Variants in EPC1 observed in about 807,000 individuals in gnomAD.
EPC1 encodes the protein enhancer of polycomb homolog 1.
A neutral mutation model predicts 98.4 loss-of-function variants in EPC1; 12 were observed. That is an observed-to-expected ratio of 0.12 (90% CI 0.08 to 0.20). The LOEUF (loss-of-function observed/expected upper bound fraction) is 0.20. Ranked by LOEUF, EPC1 falls within the 10% of genes least tolerant of loss-of-function variation. The pLI is 1.00. For missense variants in EPC1, 729 were observed against 990.5 expected (o/e 0.74, Z 3.54); for synonymous variants, 357 against 363.9 (o/e 0.98, Z 0.21).
intron 1 of EPC1, among the ~76,000 whole-genome samples, chr10:32,353,729 T>C (rs570814767): frequency 1.3e-5 from 2 of 152,346 alleles, no homozygotes; most frequent in South Asian, 4.1e-4. Context: ...ACCATGTAAA[T>C]GCACAATGAT....
At chr10:32,347,687 G>C (rs570045086), upstream of EPC1, among the ~76,000 whole-genome samples, 1,733 of 152,264 alleles carry the variant, frequency 0.011, 19 homozygotes, top group South Asian at 0.018. Flanking sequence ...CGCGGGGGGC[G>C]AACGCACAGC....
At chr10:32,355,019 A>G (rs544280354) in intron 1 of EPC1, among the ~76,000 whole-genome samples, 1 of 152,298 alleles carries the variant, frequency 6.6e-6, no homozygotes, top group Admixed American at 6.5e-5. Flanking sequence ...TATATATTAC[A>G]ATGTAATAAT....
chr10:32,270,196 A>C (rs1019857891), intron 13 of EPC1, among the ~76,000 whole-genome samples: 1 of 152,206 alleles, frequency 6.6e-6, no homozygotes, highest in Non-Finnish European at 1.5e-5. Flanking sequence ...CTGTGCAAAA[A>C]AAGATTTCTC....
intron 1 of EPC1, among the ~76,000 whole-genome samples, chr10:32,364,967 G>C (rs894700498): frequency 6.7e-6 from 1 of 148,752 alleles, no homozygotes; most frequent in Non-Finnish European, 1.5e-5. Flanking sequence ...GGCCCAAGAG[G>C]ATTCTGCTTC....
At chr10:32,331,089 C>T (rs1250106152) in intron 1 of EPC1, among the ~76,000 whole-genome samples, 1 of 151,948 alleles carries the variant, frequency 6.6e-6, no homozygotes, top group Non-Finnish European at 1.5e-5. Flanking sequence ...AAAAAGACTG[C>T]TATTTTCTTT....
intron 13 of EPC1, among the ~76,000 whole-genome samples, chr10:32,270,913 A>G (rs938942973): frequency 2.6e-5 from 4 of 151,462 alleles, no homozygotes; most frequent in African/African-American, 7.3e-5. Flanking sequence ...TTACATGAGA[A>G]GCTGTGGAAA....
At position 32,272,054 on chromosome 10, in the gene EPC1, G is replaced by T; in HGVS notation, c.1977C>A (p.Ile659=). ...AGGCTGGAAGGACGCCATTCACCCC[G>T]ATTCCAAGCACCACATCATCCTTCA... The part of the protein sequence containing the change: ...FKMKDDVVLG[I]GVNGVLPASG... The change falls in exon 12 of 14, where the codon ATC becomes ATA. Residue 659 remains isoleucine, a synonymous_variant. Coordinates refer to ENST00000319778, the MANE Select transcript of EPC1 (RefSeq NM_001272004.3). 1 of 1,613,530 alleles carries T rather than the reference G, an allele frequency of 6.2e-7. No homozygotes were observed. Among genetic ancestry groups the T allele is most frequent in the African/African-American group, 1.3e-5 (1 of 74,996 alleles).
At chr10:32,368,126 CAA>C (rs1398231525) in intron 1 of EPC1, among the ~76,000 whole-genome samples, 1 of 152,224 alleles carries the variant, frequency 6.6e-6, no homozygotes, top group African/African-American at 2.4e-5. Flanking sequence ...TTTCCCTCCA[CAA>C]TGCCAATGGG....
chr10:32,324,103 T>A (rs537824225), intron 1 of EPC1, among the ~76,000 whole-genome samples: 14 of 151,712 alleles, frequency 9.2e-5, no homozygotes, highest in Admixed American at 2.6e-4. Context: ...GCCTGGCTAA[T>A]TTTTTTGTAT....
At chr10:32,339,050 C>T (rs2490510) in intron 1 of EPC1, among the ~76,000 whole-genome samples, 145,327 of 152,248 alleles carry the variant, frequency 0.95, 69,730 homozygotes, top group Middle Eastern at 1. Context: ...CATCCAATTA[C>T]ATCTTTAAAT....
chr10:32,291,438 C>T, intron 5 of EPC1, 116 bp from the exon 6 acceptor site: 4 of 754,560 alleles, frequency 5.3e-6, no homozygotes, highest in Non-Finnish European at 8.2e-6. Context: ...TTAACATATC[C>T]ATCACCTCAC....
chr10:32,349,197 AT>A (rs1326900471), upstream of EPC1, among the ~76,000 whole-genome samples: 1 of 152,226 alleles, frequency 6.6e-6, no homozygotes, highest in African/African-American at 2.4e-5. Flanking sequence ...AGAATTCATA[AT>A]TGAGGAGCCT....
At chr10:32,285,976 A>G (rs1836659806) in intron 9 of EPC1, 1 of 152,244 alleles carries the variant, frequency 6.6e-6, no homozygotes, top group Non-Finnish European at 1.5e-5. Flanking sequence ...AATAATAAAA[A>G]AAAACCCTCT....
intron 1 of EPC1, among the ~76,000 whole-genome samples, chr10:32,353,188 C>T (rs1839175334): frequency 6.6e-6 from 1 of 151,198 alleles, no homozygotes; most frequent in Non-Finnish European, 1.5e-5. Flanking sequence ...AAAAGAAATC[C>T]CTGGTATCTG....
chr10:32,320,815 G>A (rs766837200), intron 1 of EPC1, among the ~76,000 whole-genome samples: 3 of 152,102 alleles, frequency 2.0e-5, no homozygotes, highest in African/African-American at 7.2e-5. Context: ...TCCAACTCCT[G>A]GACTCAAGTG....
intron 13 of EPC1, 136 bp downstream of exon 13, chr10:32,271,418 A>T (rs1230356659): frequency 8.0e-6 from 8 of 1,001,088 alleles, no homozygotes; most frequent in Non-Finnish European, 1.0e-5. Flanking sequence ...TAAATAAGTG[A>T]TCAATTCTCA....
chr10:32,373,326 G>T (rs1452670767), intron 1 of EPC1, among the ~76,000 whole-genome samples: 7 of 152,154 alleles, frequency 4.6e-5, no homozygotes, highest in Non-Finnish European at 2.9e-5. Flanking sequence ...CTAATCAAAT[G>T]TTGTTTTTGT....
intron 1 of EPC1, chr10:32,377,018 C>T (rs1000423985): frequency 6.6e-6 from 1 of 152,116 alleles, no homozygotes; most frequent in African/African-American, 2.4e-5. Flanking sequence ...TCTTGGGAGG[C>T]TTTGGGCCTA....
chr10:32,272,291 CT>C (rs1052396961), intron 11 of EPC1, 124 bp from the exon 12 acceptor site: 24 of 742,542 alleles, frequency 3.2e-5, no homozygotes, highest in Non-Finnish European at 4.6e-5. Context: ...TGAAATCTTT[CT>C]ATTTTGGTAC....
Sources: allele counts gnomAD v4.1 joint callset (sites outside exome capture counted in the v4.1 genomes callset), GRCh38; gene constraint gnomAD v4.1.1; transcripts MANE v1.5; gene names NCBI Gene and HGNC (gene_info 2026-07-23, HGNC 2026-07-21).